CARHSP1: variants seen among roughly 807,000 people sequenced by gnomAD.
The protein encoded by CARHSP1 is calcium regulated heat stable protein 1.
CARHSP1 carries 14 observed loss-of-function variants against 12.5 expected under a neutral mutation model. The ratio of observed to expected loss-of-function variants is 1.12; its 90% CI spans 0.74 to 1.75. The LOEUF is 1.75. CARHSP1 is among the 40% of genes most tolerant of loss of function. The pLI is 0.00. For synonymous variants in CARHSP1, 161 were observed against 82.0 expected, an observed-to-expected ratio of 1.96 and a Z score of -5.20; for missense variants, 343 against 201.6, an observed-to-expected ratio of 1.70 and a Z score of -4.25.
rs149816371 is a variant in CARHSP1, at chr16:8,859,171, G to T, written c.158C>A (p.Ala53Glu). 3.8e-4 allele frequency: 610 copies of T among 1,595,916 alleles called. 6 individuals are homozygous for T. Among genetic ancestry groups the T allele is most frequent in the Non-Finnish European group, 7.4e-5 (86 of 1,169,590 alleles). The change falls in exon 2 of 4, where the codon GCG becomes GAG. Residue 53 changes from alanine to glutamate, a missense_variant and splice_region_variant. Transcript: ENST00000311052. Reference protein sequence around the residue: ...LPTRRTRTFSATVRASQGPVY... With the variant: ...LPTRRTRTFSETVRASQGPVY... Reference sequence around the variant, plus strand: ...CGTCCCCAGCCTGCTCCAGACTCACGCCGAGAAGGTCCTCGTCCGGCGAGT... The same window carrying T: ...CGTCCCCAGCCTGCTCCAGACTCACTCCGAGAAGGTCCTCGTCCGGCGAGT...
chr16:8,857,964 A>G (rs1245566072), intron 3 of CARHSP1: 2 of 172,104 alleles, frequency 1.2e-5, no homozygotes, highest in African/African-American at 2.4e-5. Flanking sequence ...ACGGGATTTC[A>G]CCATTAGCCA....
At chr16:8,858,191 C>T (rs924108539) in intron 3 of CARHSP1, 159 bp downstream of exon 3, 8 of 851,032 alleles carry the variant, frequency 9.4e-6, no homozygotes, top group Admixed American at 2.7e-5. Context: ...AACACACACA[C>T]AGGAGCACAG....
At chr16:8,865,784 C>G (rs149813956) in intron 1 of CARHSP1, among the ~76,000 whole-genome samples, 22 of 152,198 alleles carry the variant, frequency 1.4e-4, no homozygotes, top group African/African-American at 5.3e-4. Flanking sequence ...AACATCGACC[C>G]AACAGGGGAG....
intron 2 of CARHSP1, 88 bp from the exon 3 acceptor site, chr16:8,858,560 A>G: frequency 6.6e-7 from 1 of 1,526,584 alleles, no homozygotes; most frequent in Non-Finnish European, 8.8e-7. Flanking sequence ...GCTGTGCCCC[A>G]TCAAGCCCTG....
At chr16:8,855,634 C>T (rs936596040) in intron 3 of CARHSP1, among the ~76,000 whole-genome samples, 2 of 152,166 alleles carry the variant, frequency 1.3e-5, no homozygotes, top group Non-Finnish European at 2.9e-5. Flanking sequence ...GGAGCCTGGG[C>T]TTGTGACTGA....
At position 8,863,972 on chromosome 16, in the gene CARHSP1, G is replaced by A. The variant is rs574147862; in HGVS notation, c.-7-4637C>T. On this transcript the variant is annotated intron_variant, in intron 1 of 3. Coordinates refer to ENST00000311052, the MANE Select transcript of CARHSP1 (RefSeq NM_014316.4). ...GTGTCCCCAGCAGAAGACAGGGCCTGCCCTCTGTGACTAGCCTTCAGCTCC... is the reference window on the plus strand; with the variant it reads ...GTGTCCCCAGCAGAAGACAGGGCCTACCCTCTGTGACTAGCCTTCAGCTCC... Among the ~76,000 whole-genome samples, 11 of 152,294 alleles carry A rather than the reference G, an allele frequency of 7.2e-5. No homozygotes were observed. The East Asian group carries it at 1.9e-3, about 27-fold the overall frequency.
intron 2 of CARHSP1, 185 bp from the exon 3 acceptor site, chr16:8,858,657 G>A (rs961887048): frequency 1.4e-6 from 1 of 699,028 alleles, no homozygotes; most frequent in Non-Finnish European, 2.3e-6. Context: ...TGGGGGAAAG[G>A]ACTCTTTGGA....
chr16:8,862,395 T>A (rs190519674), intron 1 of CARHSP1, among the ~76,000 whole-genome samples: 1 of 152,156 alleles, frequency 6.6e-6, no homozygotes, highest in Non-Finnish European at 1.5e-5. Flanking sequence ...ACTGTTGTTA[T>A]AATTGTCATC....
intron 3 of CARHSP1, among the ~76,000 whole-genome samples, chr16:8,855,894 C>T (rs2061086981): frequency 1.3e-5 from 2 of 152,182 alleles, no homozygotes; most frequent in African/African-American, 4.8e-5. Flanking sequence ...GTGATCTCAG[C>T]TTACTGCATC....
At chr16:8,860,478 G>T (rs1057222787) in intron 1 of CARHSP1, 1 of 985,250 alleles carries the variant, frequency 1.0e-6, no homozygotes, top group South Asian at 4.7e-5. Flanking sequence ...CGGCTCTAAC[G>T]TGGCCTCAGC....
chr16:8,866,405 C>G, intron 1 of CARHSP1: 3 of 981,686 alleles, frequency 3.1e-6, no homozygotes, highest in South Asian at 9.4e-5. Context: ...GAGACTCTAG[C>G]AGAGTAGCGA....
chr16:8,861,242 C>T (rs1220424137), intron 1 of CARHSP1, among the ~76,000 whole-genome samples: 1 of 127,908 alleles, frequency 7.8e-6, no homozygotes, highest in Admixed American at 8.7e-5. Context: ...TGATCTCAAA[C>T]TCCTGGGCTC....
intron 1 of CARHSP1, among the ~76,000 whole-genome samples, chr16:8,863,434 G>C (rs2061403691): frequency 6.6e-6 from 1 of 152,196 alleles, no homozygotes. Context: ...TTCTTTGCCA[G>C]CATTAGGACC....
chr16:8,860,160 C>G (rs750149586), intron 1 of CARHSP1: 9 of 985,344 alleles, frequency 9.1e-6, no homozygotes, highest in Non-Finnish European at 1.1e-5. Context: ...AGAGCTCAAG[C>G]GCCACGTTTG....
At chr16:8,860,742 G>T (rs944966735) in intron 1 of CARHSP1, among the ~76,000 whole-genome samples, 1 of 151,996 alleles carries the variant, frequency 6.6e-6, no homozygotes, top group Non-Finnish European at 1.5e-5. Context: ...GGTCCCATGG[G>T]GTTTTCAAAT....
chr16:8,863,183 G>A (rs1401545407), intron 1 of CARHSP1, among the ~76,000 whole-genome samples: 5 of 141,506 alleles, frequency 3.5e-5, no homozygotes, highest in African/African-American at 7.8e-5. Flanking sequence ...GCAGTGGCGC[G>A]ATCATGGCTC....
At position 8,853,489 on chromosome 16, in the gene CARHSP1, T is replaced by G. The variant is rs143675760; in HGVS notation, c.*1675A>C. On this transcript the variant is annotated 3_prime_UTR_variant, in exon 4 of 4. Coordinates refer to ENST00000311052, the MANE Select transcript of CARHSP1 (RefSeq NM_014316.4). Reference sequence around the variant, plus strand: ...CACACACTCGCAATCAACATGCGTATTTGCTATTCTCAAACAACTCCCTTC... The same window carrying G: ...CACACACTCGCAATCAACATGCGTAGTTGCTATTCTCAAACAACTCCCTTC... 8.5e-5 allele frequency: 13 copies of G among 152,218 alleles called. No homozygotes were observed. Among genetic ancestry groups the G allele is most frequent in the Non-Finnish European group, 1.9e-4 (13 of 67,994 alleles). 9.4% of individuals were successfully genotyped at this position (152,218 alleles called of 1,614,324 possible).
chr16:8,866,369 A>G, intron 1 of CARHSP1: 1 of 892,528 alleles, frequency 1.1e-6, no homozygotes, highest in Non-Finnish European at 1.3e-6. Flanking sequence ...CAGGAGGTGG[A>G]AGGGAAATGG....
chr16:8,858,103 G>C, intron 3 of CARHSP1: 1 of 537,906 alleles, frequency 1.9e-6, no homozygotes, highest in Non-Finnish European at 3.3e-6. Context: ...GACACACCCA[G>C]GGACAATCAC....
Sources: allele counts gnomAD v4.1 joint callset (sites outside exome capture counted in the v4.1 genomes callset), GRCh38; gene constraint gnomAD v4.1.1; transcripts MANE v1.5; gene names NCBI Gene and HGNC (gene_info 2026-07-23, HGNC 2026-07-21).